Variants in LTB4R2 observed in about 807,000 individuals in gnomAD.
LTB4R2 encodes leukotriene B4 receptor 2.
In LTB4R2, 6 loss-of-function variants were observed where a neutral mutation model predicts 5.3. The observed-to-expected ratio is 1.14, with a 90% CI of 0.62 to 2.24. LTB4R2 has a LOEUF of 2.24. LTB4R2 is among the 30% of genes most tolerant of loss of function. The pLI is 0.00. For missense variants in LTB4R2, 560 were observed against 521.5 expected, an observed-to-expected ratio of 1.07 and a Z score of -0.72; for synonymous variants, 310 against 264.2, an observed-to-expected ratio of 1.17 and a Z score of -1.68.
Position 24,311,286 on chromosome 14 carries a change from C to A in LTB4R2, c.622C>A (p.Leu208Met). 6.3e-7 allele frequency: 1 copy of A among 1,590,218 alleles called. No homozygotes were observed. Residue 208 changes from leucine to methionine, a missense_variant, in exon 2 of 2, where the codon CTG becomes ATG. Transcript: ENST00000533293. ...CTGCTACAGCGTGACGCTGGCACGG[C>A]TGCGGGGCGCCCGCTGGGGCTCCGG... ...LGCYSVTLAR[L>M]RGARWGSGRH...
rs780034814 is a variant in LTB4R2, at chr14:24,310,772, T to C, written c.108T>C (p.Pro36=). 13 of 1,607,614 alleles carry C rather than the reference T, an allele frequency of 8.1e-6. No individual in the cohort carries two copies. The highest frequency in any genetic ancestry group is 1.1e-5 in the Non-Finnish European group (13 of 1,179,216). The change falls in exon 2 of 2, where the codon CCT becomes CCC. Residue 36 remains proline (P), a synonymous_variant. Coordinates refer to ENST00000533293, the MANE Select transcript of LTB4R2 (RefSeq NM_019839.5). Reference sequence around the variant, plus strand: ...TGCTGGCGGCGCTGCTGGGGCTGCCTGGCAACGGCTTCGTGGTGTGGAGCT... The same window carrying C: ...TGCTGGCGGCGCTGCTGGGGCTGCCCGGCAACGGCTTCGTGGTGTGGAGCT... ...FLLLAALLGL[P]GNGFVVWSLA...
chr14:24,310,483 A>G (rs1028820701), intron 1 of LTB4R2, 172 bp from the exon 2 acceptor site: 1 of 726,044 alleles, frequency 1.4e-6, no homozygotes, highest in Admixed American at 2.1e-5. Flanking sequence ...TCCAAGAAGG[A>G]GTTGTGTTTG....
At chr14:24,310,598 G>A in intron 1 of LTB4R2, 57 bp from the exon 2 acceptor site, 1 of 1,502,672 alleles carries the variant, frequency 6.7e-7, no homozygotes, top group South Asian at 1.1e-5. Context: ...GGGCATCACA[G>A]GTGGGGTTTT....
Position 24,310,649 on chromosome 14 carries a change from C to T in LTB4R2, c.-10-6C>T, listed in dbSNP as rs781566886. 2.5e-6 allele frequency: 4 copies of T among 1,613,874 alleles called. No homozygotes were observed. Among genetic ancestry groups the T allele is most frequent in the African/African-American group, 1.3e-5 (1 of 74,952 alleles). The stretch of plus-strand genomic sequence containing the variant: ...GCCCTCTGTGGCGCCTTCCACCCAC[C>T]TGTAGGCCCAGAAGGATGTCGGTCT... On this transcript the variant is annotated splice_region_variant and splice_polypyrimidine_tract_variant and intron_variant, in intron 1 of 1. Transcript: ENST00000533293.
chr14:24,311,664 A>G lies in LTB4R2; in HGVS notation c.1000A>G (p.Lys334Glu), dbSNP rs1594638406. ...GGAGCTCCGAACTACCCCTCAGCTG[A>G]AAGTGGTGGGGCAGGGCCGCGGCAA... ...TMELRTTPQL[K>E]VVGQGRGNGD... Residue 334 changes from lysine to glutamate, a missense_variant, in exon 2 of 2, where the codon AAA becomes GAA. Lys to Glu is a moderately conservative substitution (Grantham distance 56, BLOSUM62 1). Coordinates refer to ENST00000533293, the MANE Select transcript of LTB4R2 (RefSeq NM_019839.5). 1 of 1,612,474 alleles carries G rather than the reference A, an allele frequency of 6.2e-7. No homozygotes were observed. Among genetic ancestry groups the G allele is most frequent in the East Asian group, 2.2e-5 (1 of 44,838 alleles).
In LTB4R2 at chr14:24,311,058, C is replaced by T; in HGVS notation, c.394C>T (p.Leu132=). The T allele has an allele frequency of 6.4e-7, 1 of 1,568,764 alleles. No homozygotes were observed. Among genetic ancestry groups the T allele is most frequent in the Non-Finnish European group, 8.6e-7 (1 of 1,166,856 alleles). Residue 132 remains leucine, a synonymous_variant, in exon 2 of 2, where the codon CTG becomes TTG. Coordinates refer to ENST00000533293, the MANE Select transcript of LTB4R2 (RefSeq NM_019839.5). Reference sequence around the variant, plus strand: ...CACCCGCCCCTTCCTGGCGCCTCGGCTGCGCAGCCCGGCCCTGGCCCGCCG... The same window carrying T: ...CACCCGCCCCTTCCTGGCGCCTCGGTTGCGCAGCCCGGCCCTGGCCCGCCG... ...AVTRPFLAPR[L]RSPALARRLL... is the part of the protein sequence containing the mutation.
chr14:24,311,765 C>T lies in LTB4R2; in HGVS notation c.*24C>T, dbSNP rs1271731437. 4 of 1,523,220 alleles carry T rather than the reference C, an allele frequency of 2.6e-6. No individual in the cohort carries two copies. Among genetic ancestry groups the T allele is most frequent in the Middle Eastern group, 1.8e-4 (1 of 5,652 alleles). The allele number at this position is 1,523,220 out of a possible 1,614,324, so 94.4% of individuals were successfully genotyped here. A position where few individuals can be genotyped will look rare whatever the true frequency, so the allele number is the denominator to read the frequency against. Reference sequence around the variant, plus strand: ...GACAGCAGACCCTACAACCTGCTGCCCTTCCCTGTCCCTTTCCACCCCCCA... The same window carrying T: ...GACAGCAGACCCTACAACCTGCTGCTCTTCCCTGTCCCTTTCCACCCCCCA... On this transcript the variant is annotated 3_prime_UTR_variant, in exon 2 of 2. Transcript: ENST00000533293.
chr14:24,311,612 G>T lies in LTB4R2; in HGVS notation c.948G>T (p.Gly316=). Residue 316 remains glycine (G), a synonymous_variant, in exon 2 of 2, where the codon GGG becomes GGT. Coordinates refer to ENST00000533293, the MANE Select transcript of LTB4R2 (RefSeq NM_019839.5). ...RLFEGSGEAR[G]GGRSREGTME... The stretch of plus-strand genomic sequence containing the variant: ...TCGAAGGCTCTGGGGAGGCCCGAGG[G>T]GGCGGCCGCTCTAGGGAAGGGACCA... 6.2e-7 allele frequency: 1 copy of T among 1,612,892 alleles called. No homozygotes were observed. The highest frequency in any genetic ancestry group is 8.5e-7 in the Non-Finnish European group (1 of 1,180,016).
rs1429354804 is a variant in LTB4R2, at chr14:24,311,325, C to T, written c.661C>T (p.Arg221Trp). 1.9e-6 allele frequency: 3 copies of T among 1,599,780 alleles called. No individual in the cohort carries two copies. Among genetic ancestry groups the T allele is most frequent in the African/African-American group, 2.7e-5 (2 of 74,712 alleles). Residue 221 changes from arginine to tryptophan, a missense_variant, in exon 2 of 2, where the codon CGG (arginine) becomes TGG (tryptophan). Transcript: ENST00000533293. ...ARWGSGRHGA[R>W]VGRLVSAIVL... The stretch of plus-strand genomic sequence containing the variant: ...CTGGGGCTCCGGGCGGCACGGGGCG[C>T]GGGTGGGCCGGCTGGTGAGCGCCAT...
At position 24,311,019 on chromosome 14, in the gene LTB4R2, C is replaced by G; in HGVS notation, c.355C>G (p.Arg119Gly). The G allele has an allele frequency of 6.3e-7, 1 of 1,584,516 alleles. No individual in the cohort carries two copies. The highest frequency in any genetic ancestry group is 8.5e-7 in the Non-Finnish European group (1 of 1,174,410). Residue 119 changes from arginine to glycine, a missense_variant, in exon 2 of 2, where the codon CGC becomes GGC. Physicochemically the swap from Arg to Gly is moderately radical, Grantham distance 125 (BLOSUM62 -2). Transcript: ENST00000533293. ...VLLTGLLSLQRCLAVTRPFLA... is the reference protein window; with the variant it reads ...VLLTGLLSLQGCLAVTRPFLA... ...GCTCACCGGCCTGCTCAGCCTGCAG[C>G]GCTGCCTCGCAGTCACCCGCCCCTT... is the stretch of plus-strand genomic sequence containing the variant.
At position 24,311,644 on chromosome 14, in the gene LTB4R2, T is replaced by C. The variant is rs754900101; in HGVS notation, c.980T>C (p.Leu327Pro). The C allele has an allele frequency of 1.9e-6, 3 of 1,613,240 alleles. No homozygotes were observed. The highest frequency in any genetic ancestry group is 1.7e-5 in the Admixed American group (1 of 60,012). Residue 327 changes from leucine to proline, a missense_variant, in exon 2 of 2, where the codon CTC becomes CCC. Leu to Pro is a moderately conservative substitution (Grantham distance 98). Transcript: ENST00000533293. ...CGCTCTAGGGAAGGGACCATGGAGC[T>C]CCGAACTACCCCTCAGCTGAAAGTG... ...GGRSREGTMELRTTPQLKVVG... is the reference protein window; with the variant it reads ...GGRSREGTMEPRTTPQLKVVG...
At position 24,310,891 on chromosome 14, in the gene LTB4R2, C is replaced by A. The variant is rs761907733; in HGVS notation, c.227C>A (p.Pro76Gln). The A allele has an allele frequency of 2.1e-5, 34 of 1,592,930 alleles. No individual in the cohort carries two copies. The highest frequency in any genetic ancestry group is 5.1e-5 in the Admixed American group (3 of 59,134). The change falls in exon 2 of 2, where the codon CCG becomes CAG. Residue 76 changes from proline to glutamine, a missense_variant. Pro to Gln is a moderately conservative substitution (Grantham distance 76, BLOSUM62 -1). Coordinates refer to ENST00000533293, the MANE Select transcript of LTB4R2 (RefSeq NM_019839.5). ...GACGGCGCGGTGCTGCTGCTCACGC[C>A]GCTCTTTGTGGCCTTCCTGACCCGG... is the stretch of plus-strand genomic sequence containing the variant. Reference protein sequence around the residue: ...LADGAVLLLTPLFVAFLTRQA... With the variant: ...LADGAVLLLTQLFVAFLTRQA...
chr14:24,310,627 C>T (rs1187582124), intron 1 of LTB4R2, 28 bp from the exon 2 acceptor site: 2 of 1,610,754 alleles, frequency 1.2e-6, no homozygotes, highest in South Asian at 2.2e-5. Context: ...CCTGAACGCC[C>T]TCTGTGGCGC....
Position 24,310,681 on chromosome 14 carries a change from G to A in LTB4R2, c.17G>A (p.Arg6His), listed in dbSNP as rs2041663551. ...CCCAGAAGGATGTCGGTCTGCTACC[G>A]TCCCCCAGGGAACGAGACACTGCTG... The part of the protein sequence containing the change: MSVCY[R>H]PPGNETLLSW... Residue 6 changes from arginine (R) to histidine (H), a missense_variant, in exon 2 of 2, where the codon CGT becomes CAT. By Grantham distance (29) the Arg-to-His change is conservative. Transcript: ENST00000533293. 8 of 1,613,904 alleles carry A rather than the reference G, an allele frequency of 5.0e-6. No individual in the cohort carries two copies. Among genetic ancestry groups the A allele is most frequent in the Middle Eastern group, 1.6e-4 (1 of 6,062 alleles).
Position 24,311,707 on chromosome 14 carries a change from G to A in LTB4R2, c.1043G>A (p.Gly348Glu), listed in dbSNP as rs752673950. Reference protein sequence around the residue: ...QGRGNGDPGGGMEKDGPEWDL With the variant: ...QGRGNGDPGGEMEKDGPEWDL ...CGCGGCAATGGAGACCCGGGGGGTGGGATGGAGAAGGACGGTCCGGAATGG... is the reference window on the plus strand; with the variant it reads ...CGCGGCAATGGAGACCCGGGGGGTGAGATGGAGAAGGACGGTCCGGAATGG... Residue 348 changes from glycine to glutamate, a missense_variant, in exon 2 of 2, where the codon GGG becomes GAG. Physicochemically the swap from Gly to Glu is moderately conservative, Grantham distance 98. Coordinates refer to ENST00000533293, the MANE Select transcript of LTB4R2 (RefSeq NM_019839.5). 1.9e-5 allele frequency: 31 copies of A among 1,604,378 alleles called. No homozygotes were observed. The highest frequency in any genetic ancestry group is 2.6e-5 in the Non-Finnish European group (30 of 1,174,074).
rs1271722392 is a variant in LTB4R2 at position 24,311,284 on chromosome 14, G to A, written c.620G>A (p.Arg207Gln). 1.9e-6 allele frequency: 3 copies of A among 1,590,422 alleles called. No homozygotes were observed. Among genetic ancestry groups the A allele is most frequent in the Non-Finnish European group, 2.6e-6 (3 of 1,168,312 alleles). Reference protein sequence around the residue: ...MLGCYSVTLARLRGARWGSGR... With the variant: ...MLGCYSVTLAQLRGARWGSGR... Reference sequence around the variant, plus strand: ...GGCTGCTACAGCGTGACGCTGGCACGGCTGCGGGGCGCCCGCTGGGGCTCC... The same window carrying A: ...GGCTGCTACAGCGTGACGCTGGCACAGCTGCGGGGCGCCCGCTGGGGCTCC... The change falls in exon 2 of 2, where the codon CGG becomes CAG. Residue 207 changes from arginine to glutamine, a missense_variant. Arg to Gln is a conservative substitution (Grantham distance 43). Coordinates refer to ENST00000533293, the MANE Select transcript of LTB4R2 (RefSeq NM_019839.5).
rs1302161136 is a variant in LTB4R2 at position 24,310,969 on chromosome 14, C to T, written c.305C>T (p.Ala102Val). Residue 102 changes from alanine (A) to valine (V), a missense_variant, in exon 2 of 2, where the codon GCG becomes GTG. By Grantham distance (64) the Ala-to-Val change is moderately conservative. Transcript: ENST00000533293. The part of the protein sequence containing the change: ...AGCKAVYYVC[A>V]LSMYASVLLT... The stretch of plus-strand genomic sequence containing the variant: ...TGCAAGGCGGTGTACTACGTGTGCG[C>T]GCTCAGCATGTACGCCAGCGTGCTG... 5 of 1,591,428 alleles carry T rather than the reference C, an allele frequency of 3.1e-6. No individual in the cohort carries two copies. The highest frequency in any genetic ancestry group is 1.7e-5 in the Admixed American group (1 of 59,120).
At chr14:24,310,427 G>A in intron 1 of LTB4R2, 172 bp downstream of exon 1, 2 of 664,716 alleles carry the variant, frequency 3.0e-6, no homozygotes, top group Non-Finnish European at 5.4e-6. Context: ...TGGGAAGGAG[G>A]CCAGGAGTGG....
rs2041707554 is a variant in LTB4R2 at position 24,311,590 on chromosome 14, A to C, written c.926A>C (p.Glu309Ala). ...AGPRFLTRLF[E>A]GSGEARGGGR... Reference sequence around the variant, plus strand: ...CCCCGTTTCCTCACGCGGCTCTTCGAAGGCTCTGGGGAGGCCCGAGGGGGC... The same window carrying C: ...CCCCGTTTCCTCACGCGGCTCTTCGCAGGCTCTGGGGAGGCCCGAGGGGGC... The change falls in exon 2 of 2, where the codon GAA (glutamate) becomes GCA (alanine). Residue 309 changes from glutamate to alanine, a missense_variant. By Grantham distance (107) the Glu-to-Ala change is moderately radical. Coordinates refer to ENST00000533293, the MANE Select transcript of LTB4R2 (RefSeq NM_019839.5). 1 of 1,612,030 alleles carries C rather than the reference A, an allele frequency of 6.2e-7. No individual in the cohort carries two copies. Among genetic ancestry groups the C allele is most frequent in the Non-Finnish European group, 8.5e-7 (1 of 1,179,986 alleles).
Sources: gnomAD v4.1 joint callset for allele counts on GRCh38, gnomAD v4.1.1 for gene constraint, MANE v1.5 for transcripts, NCBI Gene and HGNC (gene_info 2026-07-23, HGNC 2026-07-21) for gene names.